The following CBY2 variants were observed in gnomAD, a reference collection of about 807,000 sequenced individuals.
The protein encoded by CBY2 is chibby family member 2.
A neutral mutation model predicts 25.3 loss-of-function variants in CBY2; 23 were observed. That is an observed-to-expected ratio of 0.91 (90% CI 0.65 to 1.29). The LOEUF is 1.29. Ranked by LOEUF, CBY2 falls within the 50% of genes most tolerant of loss-of-function variation. The pLI is 0.00. For synonymous variants in CBY2, 279 were observed against 260.2 expected (o/e 1.07, Z -0.70); for missense variants, 642 against 590.7 (o/e 1.09, Z -0.90).
In CBY2 at chr13:45,713,619, C is replaced by G; in HGVS notation, c.594C>G (p.Val198=). 6.2e-7 allele frequency: 1 copy of G among 1,613,712 alleles called. No homozygotes were observed. The highest frequency in any genetic ancestry group is 8.5e-7 in the Non-Finnish European group (1 of 1,179,850). The change falls in exon 3 of 3, where the codon GTC becomes GTG. Residue 198 remains valine, a synonymous_variant. Coordinates refer to ENST00000310521, the MANE Select transcript of CBY2 (RefSeq NM_152719.3). This position sits in a 1 kb window ranked among gnomAD's most constrained non-coding sequence, Gnocchi z 5.0. The stretch of plus-strand genomic sequence containing the variant: ...GCAAGGAGAACAAGATCCTACAGGT[C>G]TTCTGGGAGGAGCACAAGGCCTCGC... ...MLSKENKILQ[V]FWEEHKASLG...
chr13:45,703,541 G>A (rs1041592415), intron 2 of CBY2: 38 of 1,550,870 alleles, frequency 2.5e-5, no homozygotes, highest in Admixed American at 5.9e-5. Context: ...GAAGACCAGG[G>A]CCATGCAACC....
chr13:45,702,717 T>C (rs889084117), intron 1 of CBY2, 58 bp from the exon 2 acceptor site: 5 of 1,386,736 alleles, frequency 3.6e-6, no homozygotes, highest in African/African-American at 1.4e-5. Context: ...AGGCGAGCAA[T>C]TGAGGCCCAG....
intron 2 of CBY2, among the ~76,000 whole-genome samples, chr13:45,712,663 T>G (rs1165633748): frequency 6.6e-6 from 1 of 152,194 alleles, no homozygotes; most frequent in East Asian, 1.9e-4. Context: ...TTGTTTTGCC[T>G]TCTTGTGCAT....
At position 45,713,696 on chromosome 13, in the gene CBY2, C is replaced by T. The variant is rs1182550791; in HGVS notation, c.671C>T (p.Ala224Val). The T allele has an allele frequency of 2.5e-6, 4 of 1,612,376 alleles. No homozygotes were observed. The highest frequency in any genetic ancestry group is 2.2e-5 in the South Asian group (2 of 91,080). Residue 224 changes from alanine to valine, a missense_variant, in exon 3 of 3, where the codon GCG becomes GTG. Coordinates refer to ENST00000310521, the MANE Select transcript of CBY2 (RefSeq NM_152719.3). The surrounding 1 kb of genome is among the most constrained non-coding windows in gnomAD (Gnocchi z 5.0). ...APSPLLHKDS[A>V]SLEVVKKDHV... ...TCGCCACTGCTGCACAAAGACAGCG[C>T]GTCCCTGGAGGTGGTGAAGAAGGAC...
chr13:45,703,766 G>A lies in CBY2; in HGVS notation c.156+911G>A, dbSNP rs541573773. Among the ~76,000 whole-genome samples, 6 of 152,296 alleles carry A rather than the reference G, an allele frequency of 3.9e-5. No homozygotes were observed. The East Asian group carries it at 9.6e-4, about 24-fold the overall frequency. The stretch of plus-strand genomic sequence containing the variant: ...CACATTATCTTTATAACTTTGTAAT[G>A]AACAGTCACTTTTCTGTTACTTTTA... On this transcript the variant is annotated intron_variant, in intron 2 of 2. Transcript: ENST00000310521.
At chr13:45,706,735 C>T (rs189617772) in intron 2 of CBY2, among the ~76,000 whole-genome samples, 12 of 152,250 alleles carry the variant, frequency 7.9e-5, no homozygotes, top group Non-Finnish European at 7.4e-5. Flanking sequence ...GCATAGACCT[C>T]TTGTCAAGGG....
chr13:45,713,668 C>G lies in CBY2; in HGVS notation c.643C>G (p.Pro215Ala). The G allele has an allele frequency of 6.2e-7, 1 of 1,613,034 alleles. No individual in the cohort carries two copies. Among genetic ancestry groups the G allele is most frequent in the Admixed American group, 1.7e-5 (1 of 60,022 alleles). Residue 215 changes from proline to alanine, a missense_variant, in exon 3 of 3, where the codon CCC becomes GCC. Coordinates refer to ENST00000310521, the MANE Select transcript of CBY2 (RefSeq NM_152719.3). The surrounding 1 kb of genome is among the most constrained non-coding windows in gnomAD (Gnocchi z 5.0). The stretch of plus-strand genomic sequence containing the variant: ...GCTGGGCCGAGAGGAGAGCCGGGCC[C>G]CCTCGCCACTGCTGCACAAAGACAG... ...ASLGREESRA[P>A]SPLLHKDSAS...
chr13:45,712,432 C>A (rs1950276175), intron 2 of CBY2, among the ~76,000 whole-genome samples: 1 of 152,202 alleles, frequency 6.6e-6, no homozygotes, highest in South Asian at 2.1e-4. Flanking sequence ...ATAACTGTTT[C>A]TTATTATTCA....
chr13:45,714,042 G>A lies in CBY2; in HGVS notation c.1017G>A (p.Gly339=). Residue 339 remains glycine (G), a synonymous_variant, in exon 3 of 3, where the codon GGG becomes GGA. Transcript: ENST00000310521. ...KMVSNMSGPS[G]EEEAKVGPGL... Reference sequence around the variant, plus strand: ...TCAGCAACATGTCCGGGCCCTCCGGGGAGGAGGAGGCCAAGGTGGGCCCGG... The same window carrying A: ...TCAGCAACATGTCCGGGCCCTCCGGAGAGGAGGAGGCCAAGGTGGGCCCGG... 2 of 1,497,010 alleles carry A rather than the reference G, an allele frequency of 1.3e-6. No individual in the cohort carries two copies. The highest frequency in any genetic ancestry group is 2.4e-5 in the Admixed American group (1 of 41,620). 92.7% of individuals were successfully genotyped at this position (1,497,010 alleles called of 1,614,324 possible).
chr13:45,702,587 T>C, intron 1 of CBY2, 122 bp downstream of exon 1: 1 of 959,570 alleles, frequency 1.0e-6, no homozygotes, highest in South Asian at 1.4e-5. Context: ...TTAATATCTG[T>C]TCAGAGATTG....
At chr13:45,708,990 T>C (rs1190854544) in intron 2 of CBY2, among the ~76,000 whole-genome samples, 2 of 151,502 alleles carry the variant, frequency 1.3e-5, no homozygotes, top group Non-Finnish European at 2.9e-5. Context: ...TTGGGAAGAG[T>C]TGGCCATTTA....
chr13:45,710,530 C>T (rs1950264286), intron 2 of CBY2, among the ~76,000 whole-genome samples: 1 of 152,052 alleles, frequency 6.6e-6, no homozygotes. Context: ...CTCAAAACAA[C>T]AACAACAACA....
chr13:45,703,417 C>G, intron 2 of CBY2: 1 of 1,501,992 alleles, frequency 6.7e-7, no homozygotes, highest in Admixed American at 2.2e-5. Flanking sequence ...AGGTCTCCTC[C>G]TGCCTGCAAT....
chr13:45,712,990 G>GA (rs1471759252), intron 2 of CBY2, among the ~76,000 whole-genome samples, 192 bp from the exon 3 acceptor site: 1 of 152,192 alleles, frequency 6.6e-6, no homozygotes, highest in African/African-American at 2.4e-5. Flanking sequence ...TGACTTCATA[G>GA]AACAGAACTC....
In CBY2 at chr13:45,713,580, GA is replaced by G; in HGVS notation, c.557del (p.Asn186ThrfsTer44). 6.2e-7 allele frequency: 1 copy of G among 1,613,908 alleles called. No homozygotes were observed. The highest frequency in any genetic ancestry group is 8.5e-7 in the Non-Finnish European group (1 of 1,179,958). On this transcript the variant is annotated frameshift_variant, in exon 3 of 3. Transcript: ENST00000310521. LOFTEE classifies it high-confidence loss of function. The surrounding 1 kb of genome is among the most constrained non-coding windows in gnomAD (Gnocchi z 5.0). ...REENKALREE[N>X]RMLSKENKIL... Reference sequence around the variant, plus strand: ...AGGAGAACAAGGCCCTGCGCGAGGAGAACCGGATGCTCAGCAAGGAGAACAA... The same window carrying G: ...AGGAGAACAAGGCCCTGCGCGAGGAGACCGGATGCTCAGCAAGGAGAACAA...
intron 2 of CBY2, among the ~76,000 whole-genome samples, chr13:45,710,317 G>A (rs912513710): frequency 1.3e-5 from 2 of 152,154 alleles, no homozygotes; most frequent in Non-Finnish European, 2.9e-5. Flanking sequence ...AAGGTCAAGA[G>A]ATCGAGACCA....
intron 2 of CBY2, among the ~76,000 whole-genome samples, chr13:45,709,412 A>G (rs1192240074): frequency 2.0e-5 from 3 of 152,324 alleles, no homozygotes; most frequent in African/African-American, 7.2e-5. Flanking sequence ...AGCATCCATG[A>G]TTCCTCTTTG....
intron 2 of CBY2, among the ~76,000 whole-genome samples, chr13:45,711,864 T>G (rs954763364): frequency 1.3e-5 from 2 of 152,240 alleles, no homozygotes; most frequent in African/African-American, 4.8e-5. Flanking sequence ...TCACCACATG[T>G]TGAACGCTCA....
intron 2 of CBY2, chr13:45,703,162 G>C: frequency 1.6e-6 from 2 of 1,251,262 alleles, no homozygotes; most frequent in Non-Finnish European, 2.0e-6. Flanking sequence ...GAGATCTTTT[G>C]GTGCTTAGTG....
Sources: allele counts gnomAD v4.1 joint callset (sites outside exome capture counted in the v4.1 genomes callset), GRCh38; gene constraint gnomAD v4.1.1; non-coding constraint Gnocchi (gnomAD v3.1); transcripts MANE v1.5; gene names NCBI Gene and HGNC (gene_info 2026-07-23, HGNC 2026-07-21).